The following PCDH10 variants were observed in gnomAD, a reference collection of about 807,000 sequenced individuals.
The protein encoded by PCDH10 is protocadherin 10, also known as protocadherin-10.
Under a neutral mutation model 74.4 loss-of-function variants are expected in PCDH10, and 15 were observed. The observed-to-expected ratio is 0.20, with a 90% CI of 0.13 to 0.31. The LOEUF (loss-of-function observed/expected upper bound fraction) is 0.31. PCDH10 is among the 10% of genes least tolerant of loss of function. The probability of loss-of-function intolerance (pLI) is 1.00; values close to 1 mark genes in which losing one functional copy is unlikely to be tolerated. For synonymous variants in PCDH10, 619 were observed against 589.8 expected (o/e 1.05, Z -0.72); for missense variants, 1,260 against 1,390.2 (o/e 0.91, Z 1.49).
At chr4:133,163,484 T>G (rs1727017996) in intron 4 of PCDH10, among the ~76,000 whole-genome samples, 1 of 152,184 alleles carries the variant, frequency 6.6e-6, no homozygotes, top group African/African-American at 2.4e-5. Flanking sequence ...ATAATTGCAC[T>G]GAGCTCTTTC....
rs1304519452 is a variant in PCDH10 at position 133,163,245 on chromosome 4, G to A, written c.3066G>A (p.Leu1022=). ...AGAGGAAGGAGCTGGATGGACTGCT[G>A]ACTAATACGCGAGCGCCTTACAAAC... The part of the protein sequence containing the change: ...TLERKELDGL[L]TNTRAPYKPP... Residue 1022 remains leucine (L), a synonymous_variant, in exon 4 of 5, where the codon CTG becomes CTA. Transcript: ENST00000264360. 2 of 1,613,760 alleles carry A rather than the reference G, an allele frequency of 1.2e-6. No homozygotes were observed. Among genetic ancestry groups the A allele is most frequent in the African/African-American group, 2.7e-5 (2 of 74,890 alleles).
chr4:133,191,787 C>T lies in PCDH10; in HGVS notation c.*1627C>T, dbSNP rs879923680. Reference sequence around the variant, plus strand: ...ATGTTTGCCCAGTTCAAATTAGAAACCTGTTTTGAAATACTTTCCTTAATT... The same window carrying T: ...ATGTTTGCCCAGTTCAAATTAGAAATCTGTTTTGAAATACTTTCCTTAATT... On this transcript the variant is annotated 3_prime_UTR_variant, in exon 5 of 5. Transcript: ENST00000264360. 6.6e-6 allele frequency: 1 copy of T among 151,524 alleles called. No homozygotes were observed. The allele number at this position is 151,524 out of a possible 1,614,324, so 9.4% of individuals were successfully genotyped here. A position where few individuals can be genotyped will look rare whatever the true frequency, so the allele number is the denominator to read the frequency against.
intron 4 of PCDH10, among the ~76,000 whole-genome samples, chr4:133,172,755 A>G (rs1727226341): frequency 6.6e-6 from 1 of 151,998 alleles, no homozygotes; most frequent in Admixed American, 6.6e-5. Flanking sequence ...TTGATAATAT[A>G]GGGAAAACCA....
rs1560714365 is a variant in PCDH10 at position 133,184,785 on chromosome 4, A to AAATATATATATTTAT, written c.3104-5355_3104-5354insATATATATATTTATA. Among the ~76,000 whole-genome samples, 8 of 80,112 alleles carry AAATATATATATTTAT rather than the reference A, an allele frequency of 1.0e-4. No individual in the cohort carries two copies. The East Asian group carries it at 2.3e-3, about 23-fold the overall frequency. 52.6% of individuals were successfully genotyped at this position (80,112 alleles called of 152,430 possible). A position where few individuals can be genotyped will look rare whatever the true frequency, so the allele number is the denominator to read the frequency against. The stretch of plus-strand genomic sequence containing the variant: ...GTGTAAATATATAAATATATATATA[A>AAATATATATATTTAT]ATATATATATTTATATATATATATT... On this transcript the variant is annotated intron_variant, in intron 4 of 4. Transcript: ENST00000264360.
At chr4:133,173,521 C>T (rs1039113410) in intron 4 of PCDH10, among the ~76,000 whole-genome samples, 5 of 151,934 alleles carry the variant, frequency 3.3e-5, no homozygotes, top group African/African-American at 7.2e-5. Context: ...TGAAATATCA[C>T]GTTCTAGCTG....
intron 4 of PCDH10, among the ~76,000 whole-genome samples, chr4:133,171,855 A>T (rs1051254233): frequency 6.6e-6 from 1 of 151,962 alleles, no homozygotes; most frequent in African/African-American, 2.4e-5. Context: ...AGTAGTACAG[A>T]TTTTAGGTCT....
At chr4:133,161,168 C>T (rs1044339739) in intron 3 of PCDH10, among the ~76,000 whole-genome samples, 2 of 152,094 alleles carry the variant, frequency 1.3e-5, no homozygotes, top group Non-Finnish European at 2.9e-5. Flanking sequence ...CGTTTCCGTT[C>T]CTCAACAGTT....
intron 4 of PCDH10, among the ~76,000 whole-genome samples, chr4:133,184,604 G>T (rs1271616195): frequency 6.7e-6 from 1 of 149,950 alleles, no homozygotes; most frequent in Non-Finnish European, 1.5e-5. Flanking sequence ...GAGCAAGACT[G>T]TGTCTCAAAA....
In PCDH10 at chr4:133,155,001, C is replaced by T. The variant is rs1726834190; in HGVS notation, c.2775C>T (p.Ala925=). 6.2e-7 allele frequency: 1 copy of T among 1,611,288 alleles called. No homozygotes were observed. Among genetic ancestry groups the T allele is most frequent in the Non-Finnish European group, 8.5e-7 (1 of 1,177,438 alleles). ...AACAGGGAGATAGTGATCATGATGC[C>T]ACCAACCGTGCCCAGTCAGCTGGTA... is the stretch of plus-strand genomic sequence containing the variant. ...DSEQGDSDHD[A]TNRAQSAGMD... The change falls in exon 3 of 5, where the codon GCC becomes GCT. Residue 925 remains alanine (A), a synonymous_variant. Transcript: ENST00000264360.
chr4:133,196,288 T>C (rs1249035756), downstream of PCDH10, among the ~76,000 whole-genome samples: 1 of 152,070 alleles, frequency 6.6e-6, no homozygotes, highest in Non-Finnish European at 1.5e-5. Context: ...TTAAGGATGA[T>C]TTGGTGGGTG....
chr4:133,156,754 A>G (rs1726874803), intron 3 of PCDH10, among the ~76,000 whole-genome samples: 1 of 152,218 alleles, frequency 6.6e-6, no homozygotes, highest in South Asian at 2.1e-4. Context: ...CTCAATGAAC[A>G]TTTCAATTAG....
intron 3 of PCDH10, among the ~76,000 whole-genome samples, chr4:133,158,426 G>A (rs1442450167): frequency 2.0e-5 from 3 of 151,970 alleles, no homozygotes; most frequent in Non-Finnish European, 4.4e-5. Context: ...ATCCTAATAA[G>A]TGATTGAATT....
In PCDH10 at chr4:133,163,167, A is replaced by G. The variant is rs373790039; in HGVS notation, c.2988A>G (p.Ala996=). Reference sequence around the variant, plus strand: ...AAACTCCAGAAGCCCAGCCTGGGGCAGAGCGGTCCTTTTCCACCTTTGGCA... The same window carrying G: ...AAACTCCAGAAGCCCAGCCTGGGGCGGAGCGGTCCTTTTCCACCTTTGGCA... ...VFETPEAQPG[A]ERSFSTFGKE... The change falls in exon 4 of 5, where the codon GCA becomes GCG. Residue 996 remains alanine, a synonymous_variant. Coordinates refer to ENST00000264360, the MANE Select transcript of PCDH10 (RefSeq NM_032961.3). 9 of 1,614,050 alleles carry G rather than the reference A, an allele frequency of 5.6e-6. No homozygotes were observed. The highest frequency in any genetic ancestry group is 7.6e-6 in the Non-Finnish European group (9 of 1,180,018).
chr4:133,177,334 T>C (rs1727315770), intron 4 of PCDH10, among the ~76,000 whole-genome samples: 2 of 152,166 alleles, frequency 1.3e-5, no homozygotes, highest in South Asian at 4.1e-4. Flanking sequence ...ATTTATATTT[T>C]TGTACATTTG....
At chr4:133,188,797 C>T (rs1179267301) in intron 4 of PCDH10, among the ~76,000 whole-genome samples, 1 of 151,400 alleles carries the variant, frequency 6.6e-6, no homozygotes, top group Non-Finnish European at 1.5e-5. Context: ...CCTCAGCCTC[C>T]CAAGTAGCTG....
Position 133,154,339 on chromosome 4 carries a change from A to G in PCDH10, c.2664A>G (p.Leu888=), listed in dbSNP as rs1425356772. 2.5e-6 allele frequency: 4 copies of G among 1,607,384 alleles called. No homozygotes were observed. In the South Asian group the frequency reaches 4.5e-5, roughly 18 times the overall value. ...ACCAGCGAGCAGAGCTCAGCTATCT[A>G]GTTGACAGACCTCGCCGAGTTAACA... The part of the protein sequence containing the change: ...TKHQRAELSY[L]VDRPRRVNSS... Residue 888 remains leucine, a synonymous_variant, in exon 2 of 5, where the codon CTA becomes CTG. Coordinates refer to ENST00000264360, the MANE Select transcript of PCDH10 (RefSeq NM_032961.3).
At chr4:133,157,986 C>T (rs1726899318) in intron 3 of PCDH10, among the ~76,000 whole-genome samples, 1 of 152,192 alleles carries the variant, frequency 6.6e-6, no homozygotes, top group East Asian at 1.9e-4. Flanking sequence ...GACCACTGCT[C>T]TGTGGCACTT....
At chr4:133,186,197 C>G (rs1374120382) in intron 4 of PCDH10, among the ~76,000 whole-genome samples, 1 of 152,018 alleles carries the variant, frequency 6.6e-6, no homozygotes, top group Non-Finnish European at 1.5e-5. Context: ...AAGGTAGATA[C>G]TTGAGAATCT....
chr4:133,152,946 A>G, intron 1 of PCDH10, 175 bp downstream of exon 1: 3 of 1,451,180 alleles, frequency 2.1e-6, no homozygotes, highest in Non-Finnish European at 2.7e-6. Flanking sequence ...TGTGTAACCT[A>G]ACTTTCGCGT....
Sources: allele counts gnomAD v4.1 joint callset (sites outside exome capture counted in the v4.1 genomes callset), GRCh38; gene constraint gnomAD v4.1.1; transcripts MANE v1.5; gene names NCBI Gene and HGNC (gene_info 2026-07-23, HGNC 2026-07-21).